The following CREB5 variants were observed in gnomAD, a reference collection of about 807,000 sequenced individuals.
CREB5 encodes the protein cyclic AMP-responsive element-binding protein 5.
A neutral mutation model predicts 57.1 loss-of-function variants in CREB5; 19 were observed. That is an observed-to-expected ratio of 0.33 (90% CI 0.23 to 0.49). The LOEUF is 0.49. Ranked by LOEUF, CREB5 falls within the 20% of genes least tolerant of loss-of-function variation. The pLI is 0.99. For synonymous variants in CREB5, 238 were observed against 238.3 expected, an observed-to-expected ratio of 1.00 and a Z score of 0.01; for missense variants, 579 against 671.6, an observed-to-expected ratio of 0.86 and a Z score of 1.52.
chr7:28,538,773 C>A (rs1039358415), intron 4 of CREB5, among the ~76,000 whole-genome samples: 1 of 151,728 alleles, frequency 6.6e-6, no homozygotes, highest in African/African-American at 2.4e-5. Flanking sequence ...CTGTATCCCA[C>A]AAATTTGATA....
chr7:28,335,926 A>T (rs890020804), intron 1 of CREB5, among the ~76,000 whole-genome samples: 4 of 152,062 alleles, frequency 2.6e-5, no homozygotes, highest in African/African-American at 9.7e-5. Context: ...AATTTTGTCA[A>T]GTGCTTTTTC....
chr7:28,494,574 G>A (rs1001534261), intron 2 of CREB5, among the ~76,000 whole-genome samples: 1 of 152,094 alleles, frequency 6.6e-6, no homozygotes, highest in East Asian at 1.9e-4. Context: ...TCCCAGGGAA[G>A]GTATAGAAGG....
intron 7 of CREB5, among the ~76,000 whole-genome samples, chr7:28,802,105 A>AAAG (rs55754461): frequency 6.8e-6 from 1 of 147,180 alleles, no homozygotes; most frequent in Non-Finnish European, 1.5e-5. Context: ...AAAAAAAAAA[A>AAAG]GGAGGAAACA....
At chr7:28,530,714 T>C (rs1248216415) in intron 4 of CREB5, among the ~76,000 whole-genome samples, 1 of 152,190 alleles carries the variant, frequency 6.6e-6, no homozygotes, top group African/African-American at 2.4e-5. Flanking sequence ...CCGAGTCCTT[T>C]GACCACAGTT....
At chr7:28,551,870 T>TTTC (rs1794662774) in intron 4 of CREB5, among the ~76,000 whole-genome samples, 1 of 122,836 alleles carries the variant, frequency 8.1e-6, no homozygotes, top group Admixed American at 7.9e-5. Context: ...CTTTCTTTCT[T>TTTC]TTTCTTTCTT....
At chr7:28,642,517 C>CT (rs1798698193) in intron 5 of CREB5, among the ~76,000 whole-genome samples, 1 of 152,120 alleles carries the variant, frequency 6.6e-6, no homozygotes, top group South Asian at 2.1e-4. Flanking sequence ...TCAAGCTGAA[C>CT]TTTTTTTGCT....
At chr7:28,808,614 T>A (rs1002044821) in intron 8 of CREB5, among the ~76,000 whole-genome samples, 1 of 151,734 alleles carries the variant, frequency 6.6e-6, no homozygotes, top group African/African-American at 2.4e-5. Context: ...TCATAGCTCA[T>A]GGCAACCTCA....
At chr7:28,632,975 A>G (rs1354035951) in intron 5 of CREB5, among the ~76,000 whole-genome samples, 1 of 152,216 alleles carries the variant, frequency 6.6e-6, no homozygotes, top group Admixed American at 6.5e-5. Flanking sequence ...GATGGCTGAA[A>G]GATGAATGTT....
At chr7:28,610,253 G>C (rs1336304099) in intron 5 of CREB5, among the ~76,000 whole-genome samples, 2 of 152,172 alleles carry the variant, frequency 1.3e-5, no homozygotes, top group Non-Finnish European at 2.9e-5. Flanking sequence ...CTGGAAGCAA[G>C]GGGAGGGGCC....
At chr7:28,787,019 C>T (rs1255985445) in intron 7 of CREB5, among the ~76,000 whole-genome samples, 1 of 152,186 alleles carries the variant, frequency 6.6e-6, no homozygotes, top group Non-Finnish European at 1.5e-5. Context: ...CCCCAGCTGC[C>T]ATTGGCCAGG....
chr7:28,302,561 T>C (rs910075476), intron 1 of CREB5, among the ~76,000 whole-genome samples: 15 of 152,154 alleles, frequency 9.9e-5, no homozygotes, highest in African/African-American at 3.4e-4. Context: ...ATTTTGTATG[T>C]GGGGAAGCTG....
intron 4 of CREB5, among the ~76,000 whole-genome samples, chr7:28,538,401 C>A (rs1465461548): frequency 1.6e-5 from 2 of 125,470 alleles, no homozygotes; most frequent in African/African-American, 2.6e-5. Context: ...TGTGATGAAA[C>A]CTTTATTCGC....
chr7:28,414,272 AC>A (rs1787935127), intron 1 of CREB5, among the ~76,000 whole-genome samples: 1 of 127,188 alleles, frequency 7.9e-6, no homozygotes, highest in African/African-American at 3.0e-5. Flanking sequence ...TTGGATTTCT[AC>A]AGCAATTTAA....
chr7:28,572,130 A>G (rs1795730289), intron 5 of CREB5, among the ~76,000 whole-genome samples: 1 of 152,216 alleles, frequency 6.6e-6, no homozygotes, highest in Non-Finnish European at 1.5e-5. Context: ...TCACATTTTC[A>G]ACTTACCAGG....
At chr7:28,598,514 T>C (rs1319955413) in intron 5 of CREB5, among the ~76,000 whole-genome samples, 4 of 152,190 alleles carry the variant, frequency 2.6e-5, no homozygotes, top group Non-Finnish European at 5.9e-5. Context: ...ATTTCTATGA[T>C]CGTTAGACTT....
chr7:28,321,856 T>C lies in CREB5; in HGVS notation c.-25+22415T>C, dbSNP rs370113408. Among the ~76,000 whole-genome samples, 10 of 152,310 alleles carry C rather than the reference T, an allele frequency of 6.6e-5. No homozygotes were observed. The South Asian group carries it at 2.1e-3, about 32-fold the overall frequency. On this transcript the variant is annotated intron_variant, in intron 1 of 9. Coordinates refer to the CREB5 transcript ENST00000396299. Reference sequence around the variant, plus strand: ...CTCCAAGGGGTGGCCCCCTTCTGAGTGTGGGACCCTGTGTCAGATACATGA... The same window carrying C: ...CTCCAAGGGGTGGCCCCCTTCTGAGCGTGGGACCCTGTGTCAGATACATGA...
In CREB5 at chr7:28,685,665, C is replaced by CT. The variant is rs548208912; in HGVS notation, c.465-33070dup. Among the ~76,000 whole-genome samples, 651 of 130,914 alleles carry CT rather than the reference C, an allele frequency of 5.0e-3. 7 individuals are homozygous for CT. Among genetic ancestry groups the CT allele is most frequent in the South Asian group, 0.021 (83 of 3,936 alleles). 85.9% of individuals were successfully genotyped at this position (130,914 alleles called of 152,430 possible). A position where few individuals can be genotyped will look rare whatever the true frequency, so the allele number is the denominator to read the frequency against. On this transcript the variant is annotated intron_variant, in intron 5 of 10. Coordinates refer to ENST00000357727, the MANE Select transcript of CREB5 (RefSeq NM_182898.4). ...TCCCTTTCTCCAAACACAGGGCACT[C>CT]TTTTTTTTTTTTTTTTTTAACCAGT...
At chr7:28,435,381 ATTTT>A (rs34815040) in intron 1 of CREB5, among the ~76,000 whole-genome samples, 1 of 103,510 alleles carries the variant, frequency 9.7e-6, no homozygotes, top group Non-Finnish European at 1.9e-5. Context: ...TTTCCCTTCC[ATTTT>A]TTTTTTTTTT....
At chr7:28,579,501 T>C (rs1796040162) in intron 5 of CREB5, among the ~76,000 whole-genome samples, 1 of 152,196 alleles carries the variant, frequency 6.6e-6, no homozygotes, top group Admixed American at 6.5e-5. Context: ...CAGTAAAGTC[T>C]GTAAAATGAT....
Sources: allele counts gnomAD v4.1 joint callset (sites outside exome capture counted in the v4.1 genomes callset), GRCh38; gene constraint gnomAD v4.1.1; transcripts MANE v1.5; gene names NCBI Gene and HGNC (gene_info 2026-07-23, HGNC 2026-07-21).